Variants in SAMD14 observed in about 807,000 individuals in gnomAD.
The protein encoded by SAMD14 is sterile alpha motif domain containing 14, also known as sterile alpha motif domain-containing protein 14.
In SAMD14, 27 loss-of-function variants were observed where a neutral mutation model predicts 46.2. The observed-to-expected ratio is 0.58, with a 90% CI of 0.43 to 0.81. SAMD14 has a LOEUF of 0.81. Among genes scored for constraint, SAMD14 ranks in the 30% least tolerant of loss-of-function variants. The probability of loss-of-function intolerance (pLI) is 0.00; values close to 1 mark genes in which losing one functional copy is unlikely to be tolerated. For synonymous variants in SAMD14, 241 were observed against 254.3 expected (o/e 0.95, Z 0.50); for missense variants, 559 against 582.2 (o/e 0.96, Z 0.41).
chr17:50,127,468 G>A (rs1032564704), intron 1 of SAMD14, among the ~76,000 whole-genome samples: 2 of 152,076 alleles, frequency 1.3e-5, no homozygotes, highest in African/African-American at 4.8e-5. Context: ...GGGTGTGGTG[G>A]CACATTCCTG....
intron 1 of SAMD14, among the ~76,000 whole-genome samples, chr17:50,126,690 A>G (rs1013451885): frequency 1.2e-4 from 19 of 152,202 alleles, no homozygotes; most frequent in African/African-American, 4.6e-4. Context: ...AGAGGAAGCC[A>G]GGCAAAGTTG....
rs762554151 is a variant in SAMD14, at chr17:50,114,089, G to A, written c.943-10C>T. Reference sequence around the variant, plus strand: ...GGGGTTCATCCAGGAACTGGGCAGAGACCAAGGAGAGTGAGGGGGAGGCTT... The same window carrying A: ...GGGGTTCATCCAGGAACTGGGCAGAAACCAAGGAGAGTGAGGGGGAGGCTT... On this transcript the variant is annotated splice_polypyrimidine_tract_variant and intron_variant, in intron 8 of 9. Transcript: ENST00000330175. 6.2e-7 allele frequency: 1 copy of A among 1,613,760 alleles called. No individual in the cohort carries two copies. Among genetic ancestry groups the A allele is most frequent in the Admixed American group, 1.7e-5 (1 of 60,020 alleles).
At chr17:50,128,274 C>A (rs914910958) in intron 1 of SAMD14, among the ~76,000 whole-genome samples, 1 of 151,958 alleles carries the variant, frequency 6.6e-6, no homozygotes, top group African/African-American at 2.4e-5. Context: ...AAGCCATTCT[C>A]GGTCCATCCT....
At position 50,117,511 on chromosome 17, in the gene SAMD14, T is replaced by A; in HGVS notation, c.395A>T (p.Glu132Val). The change falls in exon 4 of 10, where the codon GAG (glutamate) becomes GTG (valine). Residue 132 changes from glutamate (E) to valine (V), a missense_variant. Transcript: ENST00000330175. ...YRPLHNAASH[E>V]GLAAASCSPP... Reference sequence around the variant, plus strand: ...AGAGCAGGAGGCGGCGGCCAGGCCCTCGTGCGACGCAGCGTTGTGCAGGGG... The same window carrying A: ...AGAGCAGGAGGCGGCGGCCAGGCCCACGTGCGACGCAGCGTTGTGCAGGGG... The A allele has an allele frequency of 6.7e-7, 1 of 1,485,092 alleles. No homozygotes were observed. Among genetic ancestry groups the A allele is most frequent in the South Asian group, 1.3e-5 (1 of 76,640 alleles). 92.0% of individuals were successfully genotyped at this position (1,485,092 alleles called of 1,614,324 possible).
chr17:50,117,471 C>T lies in SAMD14; in HGVS notation c.435G>A (p.Ala145=). ...AGCTGGGGGAGCTGTCGGAGGAGGG[C>T]GCGGAGCGCGGCGGAGAGCAGGAGG... The part of the protein sequence containing the change: ...AAASCSPPRS[A]PSSDSSPSFV... The change falls in exon 4 of 10, where the codon GCG becomes GCA. Residue 145 remains alanine, a synonymous_variant. Transcript: ENST00000330175. 2 of 1,399,362 alleles carry T rather than the reference C, an allele frequency of 1.4e-6. No individual in the cohort carries two copies. The highest frequency in any genetic ancestry group is 1.6e-5 in the South Asian group (1 of 61,530). 86.7% of individuals were successfully genotyped at this position (1,399,362 alleles called of 1,614,324 possible). A position where few individuals can be genotyped will look rare whatever the true frequency, so the allele number is the denominator to read the frequency against.
At chr17:50,121,515 G>C (rs557401566) in intron 2 of SAMD14, among the ~76,000 whole-genome samples, 1 of 151,814 alleles carries the variant, frequency 6.6e-6, no homozygotes, top group Non-Finnish European at 1.5e-5. Flanking sequence ...ATGGGGTTTC[G>C]CCATGTTGGT....
chr17:50,121,873 T>C (rs1911519394), intron 2 of SAMD14, among the ~76,000 whole-genome samples: 1 of 152,220 alleles, frequency 6.6e-6, no homozygotes, highest in East Asian at 1.9e-4. Context: ...GGCAAGTTAC[T>C]TCCTTTTAGG....
chr17:50,124,765 G>GCA (rs202016696), intron 2 of SAMD14, 152 bp downstream of exon 2: 93,806 of 631,486 alleles, frequency 0.15, 8,172 homozygotes, highest in African/African-American at 0.23. Flanking sequence ...GCGTGCACGC[G>GCA]CGCGCGCACA....
Position 50,110,261 on chromosome 17 carries a change from T to C in SAMD14, c.*2632A>G, listed in dbSNP as rs1265577977. On this transcript the variant is annotated 3_prime_UTR_variant, in exon 10 of 10. Coordinates refer to ENST00000330175, the MANE Select transcript of SAMD14 (RefSeq NM_001257359.2). ...GCGGTGATAGGTCTGTGATGGTCCCTAAGTGCCAGTCCATCTCTGTGGAGA... is the reference window on the plus strand; with the variant it reads ...GCGGTGATAGGTCTGTGATGGTCCCCAAGTGCCAGTCCATCTCTGTGGAGA... 4.5e-6 allele frequency: 3 copies of C among 668,612 alleles called. No individual in the cohort carries two copies. The African/African-American group carries it at 5.5e-5, about 12-fold the overall frequency. 41.4% of individuals were successfully genotyped at this position (668,612 alleles called of 1,614,324 possible). A position where few individuals can be genotyped will look rare whatever the true frequency, so the allele number is the denominator to read the frequency against.
chr17:50,127,199 T>G (rs1013580483), intron 1 of SAMD14, among the ~76,000 whole-genome samples: 2 of 152,194 alleles, frequency 1.3e-5, no homozygotes, highest in African/African-American at 4.8e-5. Context: ...CCAGGGCTCC[T>G]GCCCCTCTGC....
intron 1 of SAMD14, among the ~76,000 whole-genome samples, chr17:50,126,248 T>C (rs1489259687): frequency 6.6e-6 from 1 of 152,022 alleles, no homozygotes; most frequent in Non-Finnish European, 1.5e-5. Context: ...CTTTTCCAAC[T>C]CTTCTTTTCT....
rs1409179149 is a variant in SAMD14, at chr17:50,110,359, C to T, written c.*2534G>A. On this transcript the variant is annotated 3_prime_UTR_variant, in exon 10 of 10. Transcript: ENST00000330175. ...GATGTCTCCACCCTGATGGGGTGTCCCAGAGACATTTTCCCATGGCAGTCC... is the reference window on the plus strand; with the variant it reads ...GATGTCTCCACCCTGATGGGGTGTCTCAGAGACATTTTCCCATGGCAGTCC... 5.8e-6 allele frequency: 2 copies of T among 343,320 alleles called. No individual in the cohort carries two copies. The highest frequency in any genetic ancestry group is 4.4e-5 in the Admixed American group (1 of 22,494). The allele number at this position is 343,320 out of a possible 1,614,324, so 21.3% of individuals were successfully genotyped here.
rs191006786 is a variant in SAMD14, at chr17:50,115,748, G to C, written c.663-25C>G. 8.1e-5 allele frequency: 130 copies of C among 1,612,514 alleles called. No homozygotes were observed. In the East Asian group the frequency reaches 2.6e-3, roughly 32 times the overall value. ...CCTGCAGAGAGAGTGTCCAGCATGGGTGTGGGTACAGAGGGGAGGACCAGA... is the reference window on the plus strand; with the variant it reads ...CCTGCAGAGAGAGTGTCCAGCATGGCTGTGGGTACAGAGGGGAGGACCAGA... On this transcript the variant is annotated intron_variant, in intron 6 of 9. Coordinates refer to ENST00000330175, the MANE Select transcript of SAMD14 (RefSeq NM_001257359.2). The surrounding 1 kb of genome is among the most constrained non-coding windows in gnomAD (Gnocchi z 5.3).
Position 50,124,179 on chromosome 17 carries a change from G to A in SAMD14, c.43+738C>T, listed in dbSNP as rs1446432850. ...AAACCGGCTTTCCGCCCCAGTGCAT[G>A]CTGGGAACTCTGCCCAGCTGGGGTG... On this transcript the variant is annotated intron_variant, in intron 2 of 9. Transcript: ENST00000330175. 8.8e-6 allele frequency: 4 copies of A among 456,232 alleles called. No individual in the cohort carries two copies. The East Asian group carries it at 2.8e-4, about 32-fold the overall frequency. 28.3% of individuals were successfully genotyped at this position (456,232 alleles called of 1,614,324 possible).
At chr17:50,120,863 T>G (rs1911467633) in intron 2 of SAMD14, among the ~76,000 whole-genome samples, 1 of 152,228 alleles carries the variant, frequency 6.6e-6, no homozygotes, top group Non-Finnish European at 1.5e-5. Context: ...GACCACCCAA[T>G]TTATAATAGC....
Position 50,124,961 on chromosome 17 carries a change from A to T in SAMD14, c.-2T>A. 10 of 1,614,000 alleles carry T rather than the reference A, an allele frequency of 6.2e-6. No homozygotes were observed. The highest frequency in any genetic ancestry group is 8.5e-6 in the Non-Finnish European group (10 of 1,179,970). ...TTCTCGGAGCTTTGAAGAAGCCATG[A>T]CTCAAGAGAGCTGGGAAGGACAAGA... On this transcript the variant is annotated 5_prime_UTR_variant, in exon 2 of 10. Transcript: ENST00000330175.
At position 50,114,058 on chromosome 17, in the gene SAMD14, G is replaced by T. The variant is rs115327972; in HGVS notation, c.964C>A (p.Pro322Thr). ...TGCTGGCTGGTCCAGTGGTGGACAG[G>T]GGGGAGGGGTTCATCCAGGAACTGG... ...SDEFLDEPLP[P>T]VHHWTSQQVG... is the part of the protein sequence containing the mutation. Residue 322 changes from proline (P) to threonine (T), a missense_variant, in exon 9 of 10, where the codon CCT becomes ACT. By Grantham distance (38) the Pro-to-Thr change is conservative. Coordinates refer to ENST00000330175, the MANE Select transcript of SAMD14 (RefSeq NM_001257359.2). The T allele has an allele frequency of 3.2e-5, 52 of 1,613,526 alleles. 1 individual carries two copies. The Middle Eastern group carries it at 4.9e-4, about 15-fold the overall frequency.
Position 50,117,706 on chromosome 17 carries a change from G to C in SAMD14, c.211-11C>G. 1.4e-6 allele frequency: 2 copies of C among 1,431,244 alleles called. No homozygotes were observed. Among genetic ancestry groups the C allele is most frequent in the South Asian group, 1.5e-5 (1 of 66,592 alleles). 88.7% of individuals were successfully genotyped at this position (1,431,244 alleles called of 1,614,324 possible). A position where few individuals can be genotyped will look rare whatever the true frequency, so the allele number is the denominator to read the frequency against. ...GCAGCCATCGGTCACCTGGACGAGG[G>C]GGCAGCCGCTCACCGAGAACCCTCC... is the stretch of plus-strand genomic sequence containing the variant. On this transcript the variant is annotated splice_polypyrimidine_tract_variant and intron_variant, in intron 3 of 9. Coordinates refer to ENST00000330175, the MANE Select transcript of SAMD14 (RefSeq NM_001257359.2).
chr17:50,122,819 C>T (rs568604874), intron 2 of SAMD14, among the ~76,000 whole-genome samples: 2 of 152,020 alleles, frequency 1.3e-5, no homozygotes, highest in Non-Finnish European at 2.9e-5. Flanking sequence ...CTTGGAGCAT[C>T]TGGGGAGCAG....
Sources: allele counts gnomAD v4.1 joint callset (sites outside exome capture counted in the v4.1 genomes callset), GRCh38; gene constraint gnomAD v4.1.1; non-coding constraint Gnocchi (gnomAD v3.1); transcripts MANE v1.5; gene names NCBI Gene and HGNC (gene_info 2026-07-23, HGNC 2026-07-21).